SLF2: variants seen among roughly 807,000 people sequenced by gnomAD.
SLF2 encodes SMC5-SMC6 complex localization factor protein 2.
SLF2 carries 68 observed loss-of-function variants against 124.3 expected under a neutral mutation model. The ratio of observed to expected loss-of-function variants is 0.55; its 90% CI spans 0.45 to 0.67. The LOEUF is 0.67. Ranked by LOEUF, SLF2 falls within the 30% of genes least tolerant of loss-of-function variation. SLF2 has a pLI of 0.00. For synonymous variants in SLF2, 480 were observed against 478.8 expected, an observed-to-expected ratio of 1.00 and a Z score of -0.03; for missense variants, 1,246 against 1,373.7, an observed-to-expected ratio of 0.91 and a Z score of 1.47.
intron 18 of SLF2, among the ~76,000 whole-genome samples, chr10:100,957,126 T>C (rs1850345303): frequency 6.6e-6 from 1 of 152,158 alleles, no homozygotes; most frequent in Admixed American, 6.5e-5. Flanking sequence ...GATACATATT[T>C]TTCCCCATTA....
At chr10:100,918,295 A>G (rs1849459526) in intron 3 of SLF2, 89 bp from the exon 4 acceptor site, 3 of 780,692 alleles carry the variant, frequency 3.8e-6, no homozygotes, top group Non-Finnish European at 4.1e-6. Flanking sequence ...TATTCAATCT[A>G]GAAATCTGTG....
Position 100,962,575 on chromosome 10 carries a change from AG to A in SLF2, c.*665del, listed in dbSNP as rs1850443238. On this transcript the variant is annotated 3_prime_UTR_variant, in exon 20 of 20. Transcript: ENST00000238961. ...GTTGTCAGATCCCCTTAAGAGGAAGAGGTTAAGCTGTAAAGTAGTGGCCCTG... is the reference window on the plus strand; with the variant it reads ...GTTGTCAGATCCCCTTAAGAGGAAGAGTTAAGCTGTAAAGTAGTGGCCCTG... 6.5e-6 allele frequency: 1 copy of A among 152,774 alleles called. No homozygotes were observed. Among genetic ancestry groups the A allele is most frequent in the Admixed American group, 6.5e-5 (1 of 15,302 alleles). 9.5% of individuals were successfully genotyped at this position (152,774 alleles called of 1,614,324 possible).
rs1850474459 is a variant in SLF2 at position 100,964,338 on chromosome 10, T to C, written c.*2426T>C. On this transcript the variant is annotated 3_prime_UTR_variant, in exon 20 of 20. Transcript: ENST00000238961. ...ATATGTATGGCAAACTTATTACCCT[T>C]CTTGCAAGCTGCACATTAAGGTACT... 6.5e-6 allele frequency: 1 copy of C among 152,698 alleles called. No individual in the cohort carries two copies. The highest frequency in any genetic ancestry group is 2.4e-5 in the African/African-American group (1 of 41,458). The allele number at this position is 152,698 out of a possible 1,614,324, so 9.5% of individuals were successfully genotyped here. A position where few individuals can be genotyped will look rare whatever the true frequency, so the allele number is the denominator to read the frequency against.
chr10:100,938,626 G>T lies in SLF2; in HGVS notation c.2544G>T (p.Trp848Cys), dbSNP rs759212883. 6.2e-7 allele frequency: 1 copy of T among 1,611,540 alleles called. No individual in the cohort carries two copies. The highest frequency in any genetic ancestry group is 8.5e-7 in the Non-Finnish European group (1 of 1,179,186). ...DTFSDSPVWP[W>C]IPSLSDVAAV... is the part of the protein sequence containing the mutation. ...TCAGTGACTCACCAGTTTGGCCATG[G>T]ATCCCATCATTGTCTGATGTAGCAG... The change falls in exon 11 of 20, where the codon TGG becomes TGT. Residue 848 changes from tryptophan (W) to cysteine (C), a missense_variant. Trp to Cys is a radical substitution (Grantham distance 215). This residue lies in a region of SLF2 where 535 missense variants were observed against 632.8 expected (regional missense o/e 0.85). Coordinates refer to ENST00000238961, the MANE Select transcript of SLF2 (RefSeq NM_018121.4).
chr10:100,924,633 T>G lies in SLF2; in HGVS notation c.1632T>G (p.Pro544=). The G allele has an allele frequency of 1.2e-6, 2 of 1,614,040 alleles. No individual in the cohort carries two copies. The highest frequency in any genetic ancestry group is 1.7e-6 in the Non-Finnish European group (2 of 1,180,022). Residue 544 remains proline (P), a synonymous_variant, in exon 5 of 20, where the codon CCT becomes CCG. Coordinates refer to ENST00000238961, the MANE Select transcript of SLF2 (RefSeq NM_018121.4). The part of the protein sequence containing the change: ...NVSSGKISGG[P]LRSEYGTPTK... Reference sequence around the variant, plus strand: ...CTTCAGGGAAAATTTCTGGGGGACCTTTGCGCTCAGAATATGGCACTCCTA... The same window carrying G: ...CTTCAGGGAAAATTTCTGGGGGACCGTTGCGCTCAGAATATGGCACTCCTA...
At chr10:100,913,984 T>C (rs1440462838) in intron 1 of SLF2, 1 of 719,256 alleles carries the variant, frequency 1.4e-6, no homozygotes, top group African/African-American at 1.9e-5. Flanking sequence ...ATCCCTTATC[T>C]TAACTCTGAA....
intron 4 of SLF2, among the ~76,000 whole-genome samples, chr10:100,920,232 ATAT>A (rs1162488391): frequency 6.6e-6 from 1 of 152,362 alleles, no homozygotes; most frequent in Admixed American, 6.5e-5. Flanking sequence ...GAAGAACAAA[ATAT>A]TATTTTATAT....
At chr10:100,930,888 TC>T (rs1849719294) in intron 8 of SLF2, 87 bp from the exon 9 acceptor site, 4 of 995,882 alleles carry the variant, frequency 4.0e-6, no homozygotes, top group Admixed American at 1.9e-5. Context: ...TGCTCATTTC[TC>T]TGATTATGTC....
intron 9 of SLF2, among the ~76,000 whole-genome samples, chr10:100,932,737 G>T (rs796735110): frequency 6.6e-6 from 1 of 151,234 alleles, no homozygotes; most frequent in African/African-American, 2.4e-5. Flanking sequence ...GCGCGCGCGC[G>T]CACATTTGTA....
intron 4 of SLF2, among the ~76,000 whole-genome samples, chr10:100,922,244 A>G (rs1352978682): frequency 6.6e-6 from 1 of 152,112 alleles, no homozygotes; most frequent in East Asian, 1.9e-4. Context: ...CACCCGGCTA[A>G]TTTTTGTATT....
chr10:100,957,460 C>T (rs756296449), intron 18 of SLF2, among the ~76,000 whole-genome samples: 1 of 150,192 alleles, frequency 6.7e-6, no homozygotes, highest in Non-Finnish European at 1.5e-5. Flanking sequence ...AAGCGATTCT[C>T]CTGCCTCACC....
At position 100,916,738 on chromosome 10, in the gene SLF2, G is replaced by A. The variant is rs557575122; in HGVS notation, c.353G>A (p.Gly118Asp). ...KSPIIEAFMK[G>D]VKEHHEDHGI... ...CCTATTATAGAAGCTTTCATGAAAG[G>A]TGTTAAAGAGCACCATGAAGATCAT... is the stretch of plus-strand genomic sequence containing the variant. Residue 118 changes from glycine (G) to aspartate (D), a missense_variant, in exon 3 of 20, where the codon GGT becomes GAT. Gly to Asp is a moderately conservative substitution (Grantham distance 94, BLOSUM62 -1). Coordinates refer to ENST00000238961, the MANE Select transcript of SLF2 (RefSeq NM_018121.4). 1.9e-6 allele frequency: 3 copies of A among 1,592,344 alleles called. No individual in the cohort carries two copies. In the Admixed American group the frequency reaches 5.5e-5, roughly 29 times the overall value.
At chr10:100,943,055 G>T (rs1453570085) in intron 11 of SLF2, among the ~76,000 whole-genome samples, 1 of 152,182 alleles carries the variant, frequency 6.6e-6, no homozygotes, top group African/African-American at 2.4e-5. Flanking sequence ...AACCCCTCTG[G>T]GTGGGACTGA....
intron 4 of SLF2, among the ~76,000 whole-genome samples, chr10:100,920,884 GGTTGC>G (rs1849511946): frequency 6.6e-6 from 1 of 152,212 alleles, no homozygotes; most frequent in Middle Eastern, 3.2e-3. Flanking sequence ...GGAAGGTGGA[GGTTGC>G]AGTGAGCTGA....
At position 100,924,654 on chromosome 10, in the gene SLF2, T is replaced by A. The variant is rs765955785; in HGVS notation, c.1653T>A (p.Thr551=). The part of the protein sequence containing the change: ...SGGPLRSEYG[T]PTKSPPAALE... ...GACCTTTGCGCTCAGAATATGGCAC[T>A]CCTACAAAGTCTCCCCCTGCTGCTT... Residue 551 remains threonine (T), a synonymous_variant, in exon 5 of 20, where the codon ACT becomes ACA. Coordinates refer to ENST00000238961, the MANE Select transcript of SLF2 (RefSeq NM_018121.4). 1.3e-5 allele frequency: 21 copies of A among 1,613,976 alleles called. No homozygotes were observed. Among genetic ancestry groups the A allele is most frequent in the Non-Finnish European group, 1.6e-5 (19 of 1,180,034 alleles).
chr10:100,956,553 C>G lies in SLF2; in HGVS notation c.3417+16C>G. ...CAGAACTAAGGTAAGTGTGTTCTTT[C>G]TTTTTTTCTTTTTTTTTTTCTTAAT... On this transcript the variant is annotated intron_variant, in intron 18 of 19. Coordinates refer to ENST00000238961, the MANE Select transcript of SLF2 (RefSeq NM_018121.4). The G allele has an allele frequency of 1.3e-6, 2 of 1,512,566 alleles. No individual in the cohort carries two copies. Among genetic ancestry groups the G allele is most frequent in the Non-Finnish European group, 1.8e-6 (2 of 1,112,884 alleles). The allele number at this position is 1,512,566 out of a possible 1,614,324, so 93.7% of individuals were successfully genotyped here.
rs866820241 is a variant in SLF2, at chr10:100,959,288, T to C, written c.3418-140T>C. 9 of 662,438 alleles carry C rather than the reference T, an allele frequency of 1.4e-5. 1 individual carries two copies. The highest frequency in any genetic ancestry group is 5.8e-5 in the Admixed American group (2 of 34,638). The allele number at this position is 662,438 out of a possible 1,614,324, so 41.0% of individuals were successfully genotyped here. On this transcript the variant is annotated intron_variant, in intron 18 of 19. Transcript: ENST00000238961. ...CTCCTTCAAAAGATGAGTAGTTTATTTTCTCTTTGTTGACAGAAATCAAAT... is the reference window on the plus strand; with the variant it reads ...CTCCTTCAAAAGATGAGTAGTTTATCTTCTCTTTGTTGACAGAAATCAAAT...
Position 100,913,598 on chromosome 10 carries a change from T to C in SLF2, c.140+348T>C, listed in dbSNP as rs1849363706. 3 of 1,157,148 alleles carry C rather than the reference T, an allele frequency of 2.6e-6. No homozygotes were observed. The East Asian group carries it at 1.3e-4, about 49-fold the overall frequency. 71.7% of individuals were successfully genotyped at this position (1,157,148 alleles called of 1,614,324 possible). On this transcript the variant is annotated intron_variant, in intron 1 of 19. Coordinates refer to ENST00000238961, the MANE Select transcript of SLF2 (RefSeq NM_018121.4). The stretch of plus-strand genomic sequence containing the variant: ...ATCGTTTTCTGTACGTTGTCAGTTC[T>C]ACTGATCCTAGTGGTTTAGTAATAT...
intron 11 of SLF2, among the ~76,000 whole-genome samples, chr10:100,939,823 AAG>A (rs1178276997): frequency 1.5e-4 from 23 of 152,346 alleles, no homozygotes; most frequent in Admixed American, 1.2e-3. Flanking sequence ...AAGGAAATAA[AAG>A]AGGAAAAAGT....
Sources: allele counts gnomAD v4.1 joint callset (sites outside exome capture counted in the v4.1 genomes callset), GRCh38; gene constraint gnomAD v4.1.1; regional missense constraint gnomAD v4.1.1; transcripts MANE v1.5; gene names NCBI Gene and HGNC (gene_info 2026-07-23, HGNC 2026-07-21).